Variants in RBFOX2 observed in about 807,000 individuals in gnomAD.
RBFOX2 encodes the protein RNA binding fox-1 homolog 2.
In RBFOX2, 10 loss-of-function variants were observed where a neutral mutation model predicts 49.1. The ratio of observed to expected loss-of-function variants is 0.20; its 90% CI spans 0.13 to 0.35. The LOEUF (loss-of-function observed/expected upper bound fraction) is 0.35. Among genes scored for constraint, RBFOX2 ranks in the 10% least tolerant of loss-of-function variants. The pLI is 1.00. For missense variants in RBFOX2, 323 were observed against 486.9 expected, an observed-to-expected ratio of 0.66 and a Z score of 3.17; for synonymous variants, 183 against 187.4, an observed-to-expected ratio of 0.98 and a Z score of 0.19.
At chr22:35,950,953 C>CTT (rs747849148) in intron 1 of RBFOX2, among the ~76,000 whole-genome samples, 147 of 128,114 alleles carry the variant, frequency 1.1e-3, no homozygotes, top group African/African-American at 3.6e-3. Flanking sequence ...GTAAAGAATT[C>CTT]TTTTTTTTTT....
chr22:35,894,769 A>T (rs1414182150), intron 1 of RBFOX2, among the ~76,000 whole-genome samples: 1 of 151,908 alleles, frequency 6.6e-6, no homozygotes, highest in Non-Finnish European at 1.5e-5. Flanking sequence ...TCCACTCCTT[A>T]TATGTGCAAG....
intron 1 of RBFOX2, among the ~76,000 whole-genome samples, chr22:35,876,818 C>G (rs192382074): frequency 6.6e-6 from 1 of 152,136 alleles, no homozygotes; most frequent in East Asian, 1.9e-4. Flanking sequence ...TTTGAGCACA[C>G]TGTACCAGTA....
At chr22:35,764,352 C>A (rs910658668) in intron 6 of RBFOX2, among the ~76,000 whole-genome samples, 12 of 151,962 alleles carry the variant, frequency 7.9e-5, no homozygotes, top group African/African-American at 1.2e-4. Context: ...TGGGAGGCCA[C>A]GGTGGGCGGA....
chr22:35,862,959 G>A (rs900994177), intron 1 of RBFOX2, among the ~76,000 whole-genome samples: 1 of 152,058 alleles, frequency 6.6e-6, no homozygotes, highest in Non-Finnish European at 1.5e-5. Context: ...ATAATTGAAG[G>A]ACATTTAAAA....
At chr22:35,870,327 T>C (rs1467558686) in intron 1 of RBFOX2, among the ~76,000 whole-genome samples, 3 of 151,624 alleles carry the variant, frequency 2.0e-5, no homozygotes, top group African/African-American at 7.3e-5. Context: ...GCCAACAGAG[T>C]GAAATCCCAT....
intron 1 of RBFOX2, among the ~76,000 whole-genome samples, chr22:35,818,194 C>T (rs1283536856): frequency 6.6e-6 from 1 of 152,166 alleles, no homozygotes; most frequent in African/African-American, 2.4e-5. Context: ...CTCTATTTCT[C>T]CTTAAACAAG....
At chr22:36,008,999 T>G (rs1156575249) in intron 1 of RBFOX2, among the ~76,000 whole-genome samples, 1 of 152,134 alleles carries the variant, frequency 6.6e-6, no homozygotes, top group African/African-American at 2.4e-5. Context: ...ACATCAATAT[T>G]CTTTCTACAC....
intron 1 of RBFOX2, among the ~76,000 whole-genome samples, chr22:35,931,238 C>A (rs894058062): frequency 2.0e-5 from 3 of 147,414 alleles, no homozygotes; most frequent in African/African-American, 7.5e-5. Context: ...AAGTGGGGTT[C>A]TAGACAACCT....
chr22:36,013,268 C>G (rs916292501), intron 1 of RBFOX2, among the ~76,000 whole-genome samples: 1 of 151,754 alleles, frequency 6.6e-6, no homozygotes, highest in Non-Finnish European at 1.5e-5. Context: ...GTGAGACCCT[C>G]TAAAAGAAAA....
chr22:36,013,324 C>A (rs573289430), intron 1 of RBFOX2, among the ~76,000 whole-genome samples: 5 of 152,020 alleles, frequency 3.3e-5, no homozygotes, highest in Admixed American at 2.0e-4. Context: ...CACTTGGGGA[C>A]AAGAATAAGA....
In RBFOX2 at chr22:35,851,830, C is replaced by CA. The variant is rs767671559; in HGVS notation, c.-33-41827dup. 2.8e-3 allele frequency among the ~76,000 whole-genome samples: 322 copies of CA among 113,072 alleles called. 1 individual carries two copies. Among genetic ancestry groups the CA allele is most frequent in the South Asian group, 2.6e-3 (9 of 3,520 alleles). The allele number at this position is 113,072 out of a possible 152,430, so 74.2% of individuals were successfully genotyped here. On this transcript the variant is annotated intron_variant, in intron 1 of 13. Transcript: ENST00000359369. ...TGGGCAACAGAGCAAAACTCCATCT[C>CA]AAAAAAAAAAAAAAAAGTTGCTCTT...
At chr22:35,810,184 GACAGACACAC>G (rs1298650865) in intron 1 of RBFOX2, among the ~76,000 whole-genome samples, 180 bp from the exon 3 acceptor site, 2 of 89,584 alleles carry the variant, frequency 2.2e-5, no homozygotes, top group Non-Finnish European at 4.2e-5. Context: ...TATGTATGTG[GACAGACACAC>G]ACACACACAC....
At chr22:36,012,526 G>A (rs1410948371) in intron 1 of RBFOX2, among the ~76,000 whole-genome samples, 1 of 152,008 alleles carries the variant, frequency 6.6e-6, no homozygotes, top group African/African-American at 2.4e-5. Context: ...GCTGCAGTGA[G>A]CTATGATCCC....
chr22:35,911,386 C>T (rs184009441), intron 1 of RBFOX2, among the ~76,000 whole-genome samples: 1 of 152,264 alleles, frequency 6.6e-6, no homozygotes, highest in Non-Finnish European at 1.5e-5. Flanking sequence ...AGGAATACTG[C>T]TACACAGTAA....
intron 1 of RBFOX2, among the ~76,000 whole-genome samples, chr22:35,983,448 A>AT (rs1048413016): frequency 1.2e-4 from 18 of 151,806 alleles, no homozygotes; most frequent in African/African-American, 2.9e-4. Context: ...TTTTACCTGG[A>AT]TTTTTTTTTC....
intron 1 of RBFOX2, among the ~76,000 whole-genome samples, chr22:35,837,317 G>A (rs545649812): frequency 2.8e-4 from 43 of 152,264 alleles, no homozygotes; most frequent in African/African-American, 9.4e-4. Context: ...ATCTGAAGAT[G>A]CAAAGAACCT....
At chr22:36,001,232 CACT>C (rs1344676221) in intron 1 of RBFOX2, among the ~76,000 whole-genome samples, 3 of 105,670 alleles carry the variant, frequency 2.8e-5, no homozygotes, top group Non-Finnish European at 6.1e-5. Context: ...CACACACACA[CACT>C]ATATGTATAT....
At chr22:35,981,560 T>C (rs2057456575) in intron 1 of RBFOX2, among the ~76,000 whole-genome samples, 1 of 151,208 alleles carries the variant, frequency 6.6e-6, no homozygotes, top group African/African-American at 2.4e-5. Context: ...AAGAATCCCT[T>C]GAACCTAGGA....
intron 9 of RBFOX2, chr22:35,750,606 C>A: frequency 1.7e-6 from 1 of 584,274 alleles, no homozygotes; most frequent in Non-Finnish European, 3.2e-6. Context: ...ACACACATGC[C>A]CCTTTAAAAA....
Sources: gnomAD v4.1 joint callset for allele counts (sites outside exome capture counted in the v4.1 genomes callset) on GRCh38, gnomAD v4.1.1 for gene constraint, MANE v1.5 for transcripts, NCBI Gene and HGNC (gene_info 2026-07-23, HGNC 2026-07-21) for gene names.